The following EYS variants were observed in gnomAD, a reference collection of about 807,000 sequenced individuals.
EYS encodes the protein EGF-like photoreceptor maintenance factor, also known as protein eyes shut homolog.
A neutral mutation model predicts 282.1 loss-of-function variants in EYS; 250 were observed. The ratio of observed to expected loss-of-function variants is 0.89; its 90% CI spans 0.80 to 0.98. EYS has a LOEUF of 0.98. EYS is among the 50% of genes least tolerant of loss of function. The pLI, the probability that EYS is intolerant of heterozygous loss-of-function variation, is 0.00. For synonymous variants in EYS, 1,355 were observed against 1,282.9 expected, an observed-to-expected ratio of 1.06 and a Z score of -1.20; for missense variants, 4,016 against 3,709.0, an observed-to-expected ratio of 1.08 and a Z score of -2.15.
At chr6:64,785,910 A>C (rs1427102380) in intron 22 of EYS, among the ~76,000 whole-genome samples, 2 of 152,236 alleles carry the variant, frequency 1.3e-5, no homozygotes, top group African/African-American at 4.8e-5. Flanking sequence ...TCAAAATGTC[A>C]GTAAATACTT....
chr6:64,220,253 G>A (rs996340153), intron 31 of EYS, among the ~76,000 whole-genome samples: 1 of 152,096 alleles, frequency 6.6e-6, no homozygotes, highest in Non-Finnish European at 1.5e-5. Flanking sequence ...TGGAGTTCTT[G>A]CTTTGGTAAT....
intron 12 of EYS, among the ~76,000 whole-genome samples, chr6:65,190,683 A>G (rs1427131175): frequency 6.6e-6 from 1 of 151,828 alleles, no homozygotes; most frequent in Non-Finnish European, 1.5e-5. Context: ...GCATTCAAGC[A>G]CTAGTGTGTT....
chr6:65,174,395 A>G (rs1455904611), intron 12 of EYS, among the ~76,000 whole-genome samples: 4 of 151,360 alleles, frequency 2.6e-5, no homozygotes, highest in Non-Finnish European at 5.9e-5. Flanking sequence ...AAATATTTGT[A>G]ATTTCTCTGT....
chr6:63,923,982 A>G (rs1413327625), intron 35 of EYS, among the ~76,000 whole-genome samples: 2 of 152,212 alleles, frequency 1.3e-5, no homozygotes, highest in South Asian at 2.1e-4. Context: ...TAATGAAATA[A>G]CCAGTCAAAT....
intron 8 of EYS, among the ~76,000 whole-genome samples, chr6:65,371,969 AG>A (rs1765169928): frequency 1.3e-5 from 2 of 148,542 alleles, no homozygotes. Flanking sequence ...AGTTTACATA[AG>A]TCACTCTTGT....
intron 30 of EYS, among the ~76,000 whole-genome samples, chr6:64,278,206 A>G (rs1366923174): frequency 6.6e-6 from 1 of 152,146 alleles, no homozygotes; most frequent in Non-Finnish European, 1.5e-5. Flanking sequence ...GATATCTTAA[A>G]GAACATTTCT....
chr6:64,237,605 T>C (rs1189222379), intron 30 of EYS, among the ~76,000 whole-genome samples: 1 of 152,136 alleles, frequency 6.6e-6, no homozygotes, highest in Non-Finnish European at 1.5e-5. Flanking sequence ...CAGAAAATAA[T>C]TCAATTGCTG....
rs10640761 is a variant in EYS at position 64,274,481 on chromosome 6, G to GTTTTTTTTTTTT, written c.6191+32477_6191+32488dup. Among the ~76,000 whole-genome samples, 133 of 92,212 alleles carry GTTTTTTTTTTTT rather than the reference G, an allele frequency of 1.4e-3. 12 individuals carry two copies. The highest frequency in any genetic ancestry group is 6.0e-3 in the African/African-American group (128 of 21,194). 60.5% of individuals were successfully genotyped at this position (92,212 alleles called of 152,430 possible). ...CAGGCGCGAGCCACCACGCCTGGCC[G>GTTTTTTTTTTTT]TTTTTTTTTTTTTTTTTTTTTTACA... On this transcript the variant is annotated intron_variant, in intron 30 of 42. Transcript: ENST00000503581.
chr6:64,999,690 AG>A (rs2150126831), intron 13 of EYS, among the ~76,000 whole-genome samples: 1 of 152,302 alleles, frequency 6.6e-6, no homozygotes, highest in African/African-American at 2.4e-5. Flanking sequence ...AAGAAGACAC[AG>A]TGGCACCTGG....
At chr6:64,449,133 A>G (rs1290586435) in intron 26 of EYS, among the ~76,000 whole-genome samples, 1 of 152,218 alleles carries the variant, frequency 6.6e-6, no homozygotes, top group African/African-American at 2.4e-5. Flanking sequence ...ATGGATAACT[A>G]GAATAACCAA....
chr6:64,148,936 T>G (rs1279403972), intron 31 of EYS, among the ~76,000 whole-genome samples: 2 of 152,196 alleles, frequency 1.3e-5, no homozygotes, highest in Non-Finnish European at 2.9e-5. Context: ...TGAAAATTTT[T>G]AAGACATTTA....
intron 31 of EYS, among the ~76,000 whole-genome samples, chr6:64,163,204 G>A (rs1392944423): frequency 6.6e-6 from 1 of 151,924 alleles, no homozygotes; most frequent in African/African-American, 2.4e-5. Context: ...AACCTTGCAA[G>A]TCTAAAAACA....
chr6:64,355,795 A>T (rs1390848140), intron 29 of EYS, among the ~76,000 whole-genome samples: 1 of 151,686 alleles, frequency 6.6e-6, no homozygotes, highest in Non-Finnish European at 1.5e-5. Context: ...TAGCAGAGTT[A>T]ACAAATAACA....
chr6:64,781,806 G>A (rs561570393), intron 22 of EYS, among the ~76,000 whole-genome samples: 1 of 152,154 alleles, frequency 6.6e-6, no homozygotes, highest in African/African-American at 2.4e-5. Flanking sequence ...AAGTCATCAG[G>A]GAATGTGTGC....
At chr6:64,155,988 ATATG>A in intron 31 of EYS, among the ~76,000 whole-genome samples, 1 of 150,828 alleles carries the variant, frequency 6.6e-6, no homozygotes, top group African/African-American at 2.4e-5. Context: ...TTATATATAT[ATATG>A]TGTGTGTGTG....
intron 26 of EYS, among the ~76,000 whole-genome samples, chr6:64,479,994 G>A (rs1300777950): frequency 6.6e-6 from 1 of 151,886 alleles, no homozygotes; most frequent in Non-Finnish European, 1.5e-5. Context: ...CATTCAGATT[G>A]GTGTGAAAAT....
intron 31 of EYS, among the ~76,000 whole-genome samples, chr6:64,171,365 T>G (rs1764474163): frequency 6.6e-6 from 1 of 152,182 alleles, no homozygotes; most frequent in African/African-American, 2.4e-5. Context: ...AGTCAACATA[T>G]AATGTCATAA....
intron 12 of EYS, among the ~76,000 whole-genome samples, chr6:65,146,778 A>T (rs1764489372): frequency 6.6e-6 from 1 of 152,012 alleles, no homozygotes; most frequent in African/African-American, 2.4e-5. Context: ...GTCTAAAGGA[A>T]ACAGGTTCTG....
chr6:64,644,587 C>A (rs1684535323), intron 22 of EYS, among the ~76,000 whole-genome samples: 1 of 152,030 alleles, frequency 6.6e-6, no homozygotes, highest in Admixed American at 6.6e-5. Context: ...GAGATTTATA[C>A]TTATATTTAA....
Sources: gnomAD v4.1 joint callset for allele counts (sites outside exome capture counted in the v4.1 genomes callset) on GRCh38, gnomAD v4.1.1 for gene constraint, MANE v1.5 for transcripts, NCBI Gene and HGNC (gene_info 2026-07-23, HGNC 2026-07-21) for gene names.